The following KLK10 variants were observed in gnomAD, a reference collection of about 807,000 sequenced individuals.
KLK10 encodes the protein kallikrein-10.
KLK10 carries 27 observed loss-of-function variants against 25.7 expected under a neutral mutation model. The observed-to-expected ratio is 1.05, with a 90% CI of 0.77 to 1.45. The LOEUF is 1.45. Among genes scored for constraint, KLK10 ranks in the 40% most tolerant of loss-of-function variants. KLK10 has a pLI of 0.00. For synonymous variants in KLK10, 173 were observed against 160.1 expected (o/e 1.08, Z -0.61); for missense variants, 386 against 370.0 (o/e 1.04, Z -0.35).
chr19:51,019,746 G>C (rs10425377), upstream of KLK10: 33,501 of 151,984 alleles, frequency 0.22, 3,747 homozygotes, highest in East Asian at 0.26. The surrounding 1 kb of genome is among the most constrained non-coding windows in gnomAD (Gnocchi z 4.2). Flanking sequence ...TTAACCCCAA[G>C]GAGTCCGGAA....
rs563724926 is a variant in KLK10, at chr19:51,014,331, A to T, written c.*469T>A. 5 of 139,026 alleles carry T rather than the reference A, an allele frequency of 3.6e-5. No individual in the cohort carries two copies. In the South Asian group the frequency reaches 9.2e-4, roughly 26 times the overall value. 8.6% of individuals were successfully genotyped at this position (139,026 alleles called of 1,614,324 possible). ...CCCACTGTGTTAAGCCTTACATGAC[A>T]ATCACCATGAAGATTTACATACACA... On this transcript the variant is annotated 3_prime_UTR_variant, in exon 6 of 6. Transcript: ENST00000358789.
chr19:51,017,118 G>T lies in KLK10; in HGVS notation c.261C>A (p.Cys87Ter), dbSNP rs764556677. ...DQSWVLTAAH[C>*]GNKPLWARVG... Reference sequence around the variant, plus strand: ...GATGGATCTCCTCCTACTTGTTTCCGCAGTGCGCGGCCGTCAGCACCCAAC... The same window carrying T: ...GATGGATCTCCTCCTACTTGTTTCCTCAGTGCGCGGCCGTCAGCACCCAAC... The change falls in exon 3 of 6, where the codon TGC becomes TGA. Residue 87 changes from cysteine to a stop codon, truncating the protein, a stop_gained. Coordinates refer to ENST00000358789, the MANE Select transcript of KLK10 (RefSeq NM_145888.3). LOFTEE classifies it high-confidence loss of function. The T allele has an allele frequency of 3.7e-6, 6 of 1,602,090 alleles. No individual in the cohort carries two copies. Among genetic ancestry groups the T allele is most frequent in the Non-Finnish European group, 5.1e-6 (6 of 1,175,086 alleles).
chr19:51,018,324 AAAG>A (rs1319648532), intron 2 of KLK10: 1 of 151,802 alleles, frequency 6.6e-6, no homozygotes, highest in Non-Finnish European at 1.5e-5. Context: ...GAAAGAAAGA[AAAG>A]AAAGAAAGAA....
Position 51,019,217 on chromosome 19 carries a change from G to T in KLK10, c.-9-78C>A. 3.9e-6 allele frequency: 4 copies of T among 1,028,416 alleles called. No homozygotes were observed. Among genetic ancestry groups the T allele is most frequent in the Non-Finnish European group, 5.6e-6 (4 of 708,476 alleles). 63.7% of individuals were successfully genotyped at this position (1,028,416 alleles called of 1,614,324 possible). A position where few individuals can be genotyped will look rare whatever the true frequency, so the allele number is the denominator to read the frequency against. On this transcript the variant is annotated intron_variant, in intron 1 of 5. Transcript: ENST00000358789. The surrounding 1 kb of genome is among the most constrained non-coding windows in gnomAD (Gnocchi z 4.2). ...CCACCTCGCCGCGCTCATCCGCCCA[G>T]CCTGGGCCACCCCAGCCCGCAAGCA...
rs1314780856 is a variant in KLK10 at position 51,019,110 on chromosome 19, G to GT, written c.20dup (p.His7GlnfsTer93). The stretch of plus-strand genomic sequence containing the variant: ...CCCGGGCGCCAGAGGCGGCGGAGAG[G>GT]TGGAGGTGCGGAGCTCTCATGGCCA... On this transcript the variant is annotated frameshift_variant, in exon 2 of 6. Transcript: ENST00000358789. LOFTEE classifies it high-confidence loss of function. The surrounding 1 kb of genome is among the most constrained non-coding windows in gnomAD (Gnocchi z 4.2). 6.2e-6 allele frequency: 10 copies of GT among 1,609,470 alleles called. No individual in the cohort carries two copies. The highest frequency in any genetic ancestry group is 8.5e-6 in the Non-Finnish European group (10 of 1,179,438).
In KLK10 at chr19:51,014,595, T is replaced by A. The variant is rs2091298163; in HGVS notation, c.*205A>T. 1.5e-5 allele frequency: 7 copies of A among 453,856 alleles called. 1 individual carries two copies. The Middle Eastern group carries it at 2.4e-3, about 153-fold the overall frequency. The allele number at this position is 453,856 out of a possible 1,614,324, so 28.1% of individuals were successfully genotyped here. On this transcript the variant is annotated 3_prime_UTR_variant, in exon 6 of 6. Transcript: ENST00000358789. ...TGCCACCACTTCCTGCATTTCAGCT[T>A]CAGTACAGGCAGAGAATGGGGATAG...
At chr19:51,016,186 A>T in intron 3 of KLK10, 30 bp from the exon 4 acceptor site, 1 of 1,532,916 alleles carries the variant, frequency 6.5e-7, no homozygotes, top group Non-Finnish European at 8.8e-7. Context: ...TGTGAAGGCA[A>T]ACCCTTCATA....
chr19:51,018,025 A>AAAAT, intron 2 of KLK10, among the ~76,000 whole-genome samples: 1 of 133,086 alleles, frequency 7.5e-6, no homozygotes, highest in Non-Finnish European at 1.6e-5. Flanking sequence ...AAAAAAAAAA[A>AAAAT]GCCGGATGTG....
In KLK10 at chr19:51,014,894, C is replaced by G; in HGVS notation, c.737G>C (p.Gly246Ala). Residue 246 changes from glycine (G) to alanine (A), a missense_variant, in exon 6 of 6, where the codon GGT (glycine) becomes GCT (alanine). Transcript: ENST00000358789. ...CTGGGCAGAGCCACAGGGGTAAACA[C>G]CCCACGAGAGGATGCCTTGGAGGGT... ...DETLQGILSWGVYPCGSAQHP... is the reference protein window; with the variant it reads ...DETLQGILSWAVYPCGSAQHP... 6.8e-6 allele frequency: 11 copies of G among 1,614,018 alleles called. No individual in the cohort carries two copies. The highest frequency in any genetic ancestry group is 1.1e-5 in the South Asian group (1 of 91,068).
chr19:51,016,547 A>G (rs7250580), intron 3 of KLK10, among the ~76,000 whole-genome samples: 94,852 of 148,964 alleles, frequency 0.64, 31,391 homozygotes, highest in African/African-American at 0.84. Flanking sequence ...ACAGGCACCC[A>G]CCACCACACC....
chr19:51,017,414 AGGGAAATATT>A lies in KLK10; in HGVS notation c.89-134_89-125del, dbSNP rs2091344876. 8 of 853,106 alleles carry A rather than the reference AGGGAAATATT, an allele frequency of 9.4e-6. 1 individual carries two copies. The South Asian group carries it at 1.4e-4, about 15-fold the overall frequency. The allele number at this position is 853,106 out of a possible 1,614,324, so 52.8% of individuals were successfully genotyped here. ...GACGCAGCCAGAACGCGAGGGTGGTAGGGAAATATTGGGGGTTTCGCGTGCACCGAAGGGA... is the reference window on the plus strand; with the variant it reads ...GACGCAGCCAGAACGCGAGGGTGGTAGGGGGTTTCGCGTGCACCGAAGGGA... On this transcript the variant is annotated intron_variant, in intron 2 of 5. Coordinates refer to ENST00000358789, the MANE Select transcript of KLK10 (RefSeq NM_145888.3).
chr19:51,016,065 A>G lies in KLK10; in HGVS notation c.361T>C (p.Tyr121His), dbSNP rs1413963971. Reference protein sequence around the residue: ...RTTRSVVHPKYHQGSGPILPR... With the variant: ...RTTRSVVHPKHHQGSGPILPR... ...AGGATGGGGCCTGAGCCCTGGTGGT[A>G]CTTGGGATGGACAACAGAGCGAGTG... Residue 121 changes from tyrosine (Y) to histidine (H), a missense_variant, in exon 4 of 6, where the codon TAC becomes CAC. Transcript: ENST00000358789. The G allele has an allele frequency of 1.0e-5, 16 of 1,570,984 alleles. No homozygotes were observed. The highest frequency in any genetic ancestry group is 1.3e-5 in the Non-Finnish European group (15 of 1,158,098).
chr19:51,018,164 CAAAAA>C (rs35154267), intron 2 of KLK10, among the ~76,000 whole-genome samples: 121 of 36,442 alleles, frequency 3.3e-3, no homozygotes, highest in Admixed American at 4.7e-3. Flanking sequence ...TGCCCTGTCT[CAAAAA>C]AAAAAAAAAA....
intron 3 of KLK10, among the ~76,000 whole-genome samples, chr19:51,016,826 C>G (rs1473369710): frequency 2.6e-5 from 4 of 152,114 alleles, no homozygotes; most frequent in African/African-American, 9.7e-5. Context: ...GTTCTAAATT[C>G]CTGACCACAC....
intron 3 of KLK10, among the ~76,000 whole-genome samples, chr19:51,016,701 G>A (rs1323718375): frequency 6.6e-6 from 1 of 151,734 alleles, no homozygotes; most frequent in Non-Finnish European, 1.5e-5. Flanking sequence ...GCCTCCCAAA[G>A]TGCTGGGATT....
In KLK10 at chr19:51,013,639, G is replaced by A. The variant is rs564162920; in HGVS notation, c.*1161C>T. On this transcript the variant is annotated 3_prime_UTR_variant, in exon 6 of 6. Coordinates refer to ENST00000358789, the MANE Select transcript of KLK10 (RefSeq NM_145888.3). Reference sequence around the variant, plus strand: ...GGGATTTCACCATTTTGGCCAGACTGGTCTCGAACACCTGACCTCAGATGA... The same window carrying A: ...GGGATTTCACCATTTTGGCCAGACTAGTCTCGAACACCTGACCTCAGATGA... 8.5e-5 allele frequency: 13 copies of A among 153,754 alleles called. No individual in the cohort carries two copies. The highest frequency in any genetic ancestry group is 3.1e-4 in the African/African-American group (13 of 41,530). 9.5% of individuals were successfully genotyped at this position (153,754 alleles called of 1,614,324 possible). A position where few individuals can be genotyped will look rare whatever the true frequency, so the allele number is the denominator to read the frequency against.
intron 5 of KLK10, 65 bp downstream of exon 5, chr19:51,015,352 T>C: frequency 6.4e-7 from 1 of 1,569,998 alleles, no homozygotes; most frequent in Non-Finnish European, 8.7e-7. Context: ...CAGGGTCTGC[T>C]CTTTTCCCAT....
Position 51,013,336 on chromosome 19 carries a change from C to T in KLK10, c.*1464G>A, listed in dbSNP as rs1236814324. On this transcript the variant is annotated 3_prime_UTR_variant, in exon 6 of 6. Coordinates refer to ENST00000358789, the MANE Select transcript of KLK10 (RefSeq NM_145888.3). Reference sequence around the variant, plus strand: ...AAAGGACAAACAAACAAACAAAAACCCCGTGCTTAATGGGAAATTTCTGTT... The same window carrying T: ...AAAGGACAAACAAACAAACAAAAACTCCGTGCTTAATGGGAAATTTCTGTT... 6.6e-6 allele frequency: 1 copy of T among 152,168 alleles called. No individual in the cohort carries two copies. The highest frequency in any genetic ancestry group is 2.1e-4 in the South Asian group (1 of 4,824). The allele number at this position is 152,168 out of a possible 1,614,324, so 9.4% of individuals were successfully genotyped here.
chr19:51,015,765 G>C (rs2091317995), intron 4 of KLK10, 117 bp downstream of exon 4: 4 of 1,183,894 alleles, frequency 3.4e-6, no homozygotes, highest in Non-Finnish European at 4.6e-6. Context: ...TAGGACCCCA[G>C]CCCGTCCTCC....
Sources: allele counts gnomAD v4.1 joint callset (sites outside exome capture counted in the v4.1 genomes callset), GRCh38; gene constraint gnomAD v4.1.1; non-coding constraint Gnocchi (gnomAD v3.1); transcripts MANE v1.5; gene names NCBI Gene and HGNC (gene_info 2026-07-23, HGNC 2026-07-21).